The following FARS2 variants were observed in gnomAD, a reference collection of about 807,000 sequenced individuals.
FARS2 encodes phenylalanyl-tRNA synthetase 2, mitochondrial, also known as phenylalanine--tRNA ligase, mitochondrial.
In FARS2, 40 loss-of-function variants were observed where a neutral mutation model predicts 46.4. That is an observed-to-expected ratio of 0.86 (90% CI 0.67 to 1.12). The LOEUF is 1.12. FARS2 is among the 50% of genes most tolerant of loss of function. The pLI, the probability that FARS2 is intolerant of heterozygous loss-of-function variation, is 0.00. For missense variants in FARS2, 513 were observed against 567.9 expected (o/e 0.90, Z 0.98); for synonymous variants, 234 against 214.9 (o/e 1.09, Z -0.78).
intron 3 of FARS2, among the ~76,000 whole-genome samples, chr6:5,428,611 T>A (rs1038656372): frequency 1.3e-5 from 2 of 152,216 alleles, no homozygotes; most frequent in Admixed American, 6.5e-5. Flanking sequence ...TGCACTCACT[T>A]CCATGTCCCA....
chr6:5,655,590 G>T (rs1777570373), intron 6 of FARS2, among the ~76,000 whole-genome samples: 1 of 152,108 alleles, frequency 6.6e-6, no homozygotes, highest in Non-Finnish European at 1.5e-5. Flanking sequence ...TTGGCTTGTG[G>T]CCCCTTCCTC....
At chr6:5,641,342 GC>G (rs1486315314) in intron 6 of FARS2, among the ~76,000 whole-genome samples, 2 of 151,762 alleles carry the variant, frequency 1.3e-5, no homozygotes, top group African/African-American at 4.9e-5. Context: ...TTTCACCGAG[GC>G]TGGAGTGCAG....
At chr6:5,618,809 T>C (rs534621979) in intron 6 of FARS2, among the ~76,000 whole-genome samples, 1 of 152,330 alleles carries the variant, frequency 6.6e-6, no homozygotes, top group Admixed American at 6.5e-5. Context: ...AGAATGGTGA[T>C]TACCTGTAGG....
intron 4 of FARS2, among the ~76,000 whole-genome samples, chr6:5,532,359 C>T (rs1769896650): frequency 6.6e-6 from 1 of 152,200 alleles, no homozygotes; most frequent in Non-Finnish European, 1.5e-5. Flanking sequence ...ATCTTTTCAA[C>T]ATAGATGATA....
intron 5 of FARS2, chr6:5,609,467 C>CA: frequency 2.5e-6 from 3 of 1,217,134 alleles, no homozygotes; most frequent in East Asian, 2.3e-5. Flanking sequence ...TATAGCCATC[C>CA]GCCCTGCCAC....
chr6:5,688,370 G>A (rs144364632), intron 6 of FARS2, among the ~76,000 whole-genome samples: 49 of 152,244 alleles, frequency 3.2e-4, no homozygotes, highest in East Asian at 1.2e-3. Flanking sequence ...CTTGAGATAC[G>A]TCCCATCAAT....
intron 5 of FARS2, among the ~76,000 whole-genome samples, chr6:5,608,382 G>A (rs1380232719): frequency 1.3e-5 from 2 of 152,106 alleles, no homozygotes; most frequent in African/African-American, 4.8e-5. Flanking sequence ...TGCTGATGGT[G>A]GGTACCTAGT....
At chr6:5,731,238 G>C (rs12661497) in intron 6 of FARS2, among the ~76,000 whole-genome samples, 15 of 152,206 alleles carry the variant, frequency 9.9e-5, no homozygotes, top group Non-Finnish European at 1.9e-4. Flanking sequence ...CTACCACTCA[G>C]AGGAAGACAA....
At chr6:5,309,830 C>T (rs1768968420) in intron 1 of FARS2, among the ~76,000 whole-genome samples, 2 of 152,112 alleles carry the variant, frequency 1.3e-5, no homozygotes, top group African/African-American at 4.8e-5. Context: ...TCTTGTTGTG[C>T]AGAGGAATTT....
intron 3 of FARS2, among the ~76,000 whole-genome samples, chr6:5,418,388 G>C (rs891111941): frequency 2.0e-5 from 3 of 152,144 alleles, no homozygotes; most frequent in African/African-American, 7.2e-5. Context: ...TTCTTTTTAA[G>C]CCTTACTAGG....
At chr6:5,541,166 C>T (rs1045248582) in intron 4 of FARS2, among the ~76,000 whole-genome samples, 1 of 152,116 alleles carries the variant, frequency 6.6e-6, no homozygotes, top group Admixed American at 6.6e-5. Flanking sequence ...AATCATTACA[C>T]CTCAAAGTGT....
At chr6:5,717,646 A>G (rs1582822826) in intron 6 of FARS2, among the ~76,000 whole-genome samples, 2 of 151,986 alleles carry the variant, frequency 1.3e-5, no homozygotes, top group African/African-American at 4.8e-5. Context: ...TTACTTCCAT[A>G]TATCTCTCCT....
Position 5,369,302 on chromosome 6 carries a change from T to C in FARS2, c.612+120T>C, listed in dbSNP as rs2127644760. ...CCTTGCTTGCCTTATTTTGCCTTAG[T>C]GAATCATCCATACTTAATGACATCT... On this transcript the variant is annotated intron_variant, in intron 2 of 6. Coordinates refer to ENST00000274680, the MANE Select transcript of FARS2 (RefSeq NM_006567.5). The C allele has an allele frequency of 5.1e-6, 5 of 981,464 alleles. No individual in the cohort carries two copies. The South Asian group carries it at 8.3e-5, about 16-fold the overall frequency. The allele number at this position is 981,464 out of a possible 1,614,324, so 60.8% of individuals were successfully genotyped here. A position where few individuals can be genotyped will look rare whatever the true frequency, so the allele number is the denominator to read the frequency against.
At chr6:5,278,781 A>G (rs567117040) in intron 1 of FARS2, among the ~76,000 whole-genome samples, 68 of 152,214 alleles carry the variant, frequency 4.5e-4, no homozygotes, top group Middle Eastern at 6.8e-3. Context: ...CGTGTGATAC[A>G]CTTCAGCTCT....
At chr6:5,536,752 A>T (rs73719633) in intron 4 of FARS2, among the ~76,000 whole-genome samples, 1,867 of 152,324 alleles carry the variant, frequency 0.012, 38 homozygotes, top group African/African-American at 0.041. Flanking sequence ...AGAATTATAG[A>T]TAAAAGAGTA....
chr6:5,662,317 G>A (rs901427129), intron 6 of FARS2, among the ~76,000 whole-genome samples: 1 of 152,136 alleles, frequency 6.6e-6, no homozygotes, highest in Non-Finnish European at 1.5e-5. Context: ...TATTACTTTA[G>A]TTTTGCAGGG....
chr6:5,506,492 G>A (rs945492735), intron 4 of FARS2, among the ~76,000 whole-genome samples: 3 of 152,164 alleles, frequency 2.0e-5, no homozygotes, highest in Admixed American at 6.5e-5. Context: ...CTTAACCACC[G>A]AATTGTCTTC....
intron 6 of FARS2, among the ~76,000 whole-genome samples, chr6:5,640,684 AG>A (rs1368296182): frequency 2.0e-5 from 3 of 152,234 alleles, no homozygotes; most frequent in African/African-American, 7.2e-5. Context: ...ACTTGTCACA[AG>A]TAGCCACAAA....
At chr6:5,621,032 T>C (rs1266258298) in intron 6 of FARS2, among the ~76,000 whole-genome samples, 1 of 152,256 alleles carries the variant, frequency 6.6e-6, no homozygotes, top group African/African-American at 2.4e-5. Context: ...CATTTGCCAA[T>C]TGATTCTTGA....
Sources: allele counts gnomAD v4.1 joint callset (sites outside exome capture counted in the v4.1 genomes callset), GRCh38; gene constraint gnomAD v4.1.1; transcripts MANE v1.5; gene names NCBI Gene and HGNC (gene_info 2026-07-23, HGNC 2026-07-21).